The following PPP1R12B variants were observed in gnomAD, a reference collection of about 807,000 sequenced individuals.
PPP1R12B encodes the protein myosin phosphatase target subunit 2.
In PPP1R12B, 76 loss-of-function variants were observed where a neutral mutation model predicts 126.1. The observed-to-expected ratio is 0.60, with a 90% CI of 0.50 to 0.73. The LOEUF (loss-of-function observed/expected upper bound fraction) is 0.73, where lower values mean the gene tolerates loss of function less well. PPP1R12B is among the 30% of genes least tolerant of loss of function. PPP1R12B has a pLI of 0.00. For missense variants in PPP1R12B, 1,052 were observed against 1,205.1 expected (o/e 0.87, Z 1.88); for synonymous variants, 356 against 434.7 (o/e 0.82, Z 2.25).
At chr1:202,356,434 G>A (rs932070663) in intron 1 of PPP1R12B, among the ~76,000 whole-genome samples, 14 of 152,060 alleles carry the variant, frequency 9.2e-5, no homozygotes, top group Admixed American at 5.9e-4. Flanking sequence ...GGAAGATGTG[G>A]TAGGCTGACT....
chr1:202,426,970 G>A (rs947053186), intron 4 of PPP1R12B, 70 bp from the exon 5 acceptor site: 2 of 1,557,778 alleles, frequency 1.3e-6, no homozygotes, highest in African/African-American at 1.4e-5. Flanking sequence ...TATCAATTAG[G>A]TAATAGTGTA....
chr1:202,422,592 A>G (rs1668944011), intron 2 of PPP1R12B, 28 bp from the exon 3 acceptor site: 1 of 1,603,308 alleles, frequency 6.2e-7, no homozygotes, highest in Non-Finnish European at 8.5e-7. Flanking sequence ...TTGACAGATA[A>G]TATTGATCCT....
At chr1:202,515,853 C>G (rs1283945178) in intron 18 of PPP1R12B, among the ~76,000 whole-genome samples, 2 of 152,196 alleles carry the variant, frequency 1.3e-5, no homozygotes, top group Non-Finnish European at 2.9e-5. Context: ...CCACACCTGG[C>G]CTCGTAGTGT....
At chr1:202,551,680 T>C (rs558296375) in intron 18 of PPP1R12B, among the ~76,000 whole-genome samples, 1 of 152,060 alleles carries the variant, frequency 6.6e-6, no homozygotes, top group African/African-American at 2.4e-5. Flanking sequence ...GTTAGGGAGG[T>C]TTTCCTGGGT....
chr1:202,542,515 A>G (rs1184902970), intron 18 of PPP1R12B, among the ~76,000 whole-genome samples: 6 of 152,256 alleles, frequency 3.9e-5, no homozygotes, highest in Non-Finnish European at 8.8e-5. Flanking sequence ...GTTTAAGAAC[A>G]TGCTAAAGGG....
chr1:202,437,414 C>T (rs569089187), intron 9 of PPP1R12B, among the ~76,000 whole-genome samples: 72 of 152,202 alleles, frequency 4.7e-4, no homozygotes, highest in African/African-American at 1.6e-3. Context: ...AAGCTCATTA[C>T]CGTCATTTTA....
intron 1 of PPP1R12B, among the ~76,000 whole-genome samples, chr1:202,363,991 A>G (rs1385841730): frequency 6.6e-6 from 1 of 152,032 alleles, no homozygotes; most frequent in Non-Finnish European, 1.5e-5. Context: ...AACTCCTGTC[A>G]TCAAGTGATA....
chr1:202,375,209 G>A (rs564950153), intron 1 of PPP1R12B, among the ~76,000 whole-genome samples: 4 of 152,322 alleles, frequency 2.6e-5, no homozygotes, highest in Non-Finnish European at 5.9e-5. Context: ...CTCCCAAAGT[G>A]CTAGGATTAC....
At position 202,434,721 on chromosome 1, in the gene PPP1R12B, A is replaced by C; in HGVS notation, c.1207A>C (p.Ile403Leu). 6.2e-7 allele frequency: 1 copy of C among 1,613,918 alleles called. No individual in the cohort carries two copies. Residue 403 changes from isoleucine to leucine, a missense_variant, in exon 9 of 24, where the codon ATA (isoleucine) becomes CTA (leucine). By Grantham distance (5) the Ile-to-Leu change is conservative. Transcript: ENST00000608999. ...SESKSSITEQ[I>L]PAPAQNTFSA... Reference sequence around the variant, plus strand: ...AAGCAAGAGTAGTATCACAGAGCAGATACCAGCACCAGCTCAAAATACCTT... The same window carrying C: ...AAGCAAGAGTAGTATCACAGAGCAGCTACCAGCACCAGCTCAAAATACCTT...
At chr1:202,364,576 T>TTATA (rs773664718) in intron 1 of PPP1R12B, among the ~76,000 whole-genome samples, 79 of 151,498 alleles carry the variant, frequency 5.2e-4, no homozygotes, top group Non-Finnish European at 1.0e-3. Flanking sequence ...TTATTTATTT[T>TTATA]TATTTATTTA....
At chr1:202,473,089 G>A (rs1466231978) in intron 13 of PPP1R12B, among the ~76,000 whole-genome samples, 2 of 152,164 alleles carry the variant, frequency 1.3e-5, no homozygotes, top group African/African-American at 2.4e-5. Context: ...TTTGGCTGAG[G>A]GAAATTCTTT....
chr1:202,421,601 T>C (rs925385980), intron 2 of PPP1R12B, among the ~76,000 whole-genome samples: 6 of 151,090 alleles, frequency 4.0e-5, no homozygotes, highest in African/African-American at 1.5e-4. Flanking sequence ...GATCGCACCA[T>C]TGCACTCCAG....
intron 9 of PPP1R12B, among the ~76,000 whole-genome samples, chr1:202,437,018 C>G (rs1477714862): frequency 6.6e-6 from 1 of 152,058 alleles, no homozygotes; most frequent in Non-Finnish European, 1.5e-5. Context: ...ATCATAGTAC[C>G]TTAAAATGTG....
intron 12 of PPP1R12B, among the ~76,000 whole-genome samples, chr1:202,442,813 C>G (rs1671799208): frequency 6.6e-6 from 1 of 152,078 alleles, no homozygotes; most frequent in Non-Finnish European, 1.5e-5. Flanking sequence ...TCCTCTCCAT[C>G]CTATTAAAAC....
intron 19 of PPP1R12B, among the ~76,000 whole-genome samples, chr1:202,560,833 C>T (rs1572510689): frequency 1.3e-5 from 2 of 151,980 alleles, no homozygotes; most frequent in Non-Finnish European, 2.9e-5. Context: ...AATTTAAAAT[C>T]TCTAAGTAAG....
intron 10 of PPP1R12B, chr1:202,439,880 C>T: frequency 9.6e-6 from 3 of 312,198 alleles, no homozygotes; most frequent in Middle Eastern, 1.1e-3. Flanking sequence ...CCCCTCCTGC[C>T]CTGCTTGCCC....
chr1:202,442,674 G>C (rs1671782750), intron 12 of PPP1R12B, 102 bp downstream of exon 12: 1 of 1,196,988 alleles, frequency 8.4e-7, no homozygotes, highest in African/African-American at 1.5e-5. Context: ...CCGCAGAAAT[G>C]AATCAAAATG....
chr1:202,360,364 A>T (rs1424874794), intron 1 of PPP1R12B, among the ~76,000 whole-genome samples: 1 of 152,180 alleles, frequency 6.6e-6, no homozygotes, highest in African/African-American at 2.4e-5. Flanking sequence ...ATCACATCAC[A>T]AGAAGCTCCT....
rs556077284 is a variant in PPP1R12B, at chr1:202,477,694, T to A, written c.1851-10839T>A. ...AAGCAATTCTCCCAAAACAACTTCT[T>A]GAGGCAGAATTTGTCCATTTATAGT... On this transcript the variant is annotated intron_variant, in intron 13 of 23. Coordinates refer to ENST00000608999, the MANE Select transcript of PPP1R12B (RefSeq NM_002481.4). Among the ~76,000 whole-genome samples the A allele has an allele frequency of 1.0e-3, 156 of 152,262 alleles. 1 individual carries two copies. The highest frequency in any genetic ancestry group is 1.8e-3 in the Admixed American group (27 of 15,296).
Sources: allele counts gnomAD v4.1 joint callset (sites outside exome capture counted in the v4.1 genomes callset), GRCh38; gene constraint gnomAD v4.1.1; transcripts MANE v1.5; gene names NCBI Gene and HGNC (gene_info 2026-07-23, HGNC 2026-07-21).